Variants in AKAP13 observed in about 807,000 individuals in gnomAD.
AKAP13 encodes A-kinase anchor protein 13.
A neutral mutation model predicts 264.5 loss-of-function variants in AKAP13; 80 were observed. The observed-to-expected ratio is 0.30, with a 90% confidence interval of 0.25 to 0.36. AKAP13 has a LOEUF of 0.36. Ranked by LOEUF, AKAP13 falls within the 10% of genes least tolerant of loss-of-function variation. The pLI is 1.00. For missense variants in AKAP13, 3,712 were observed against 3,435.2 expected (o/e 1.08, Z -2.01); for synonymous variants, 1,380 against 1,250.2 (o/e 1.10, Z -2.19).
intron 5 of AKAP13, among the ~76,000 whole-genome samples, chr15:85,552,428 A>G (rs2077988509): frequency 6.6e-6 from 1 of 152,222 alleles, no homozygotes; most frequent in African/African-American, 2.4e-5. Flanking sequence ...TTGTATAATA[A>G]TCATTTTGAC....
chr15:85,529,787 T>G (rs1266765948), intron 3 of AKAP13, among the ~76,000 whole-genome samples: 3 of 152,202 alleles, frequency 2.0e-5, no homozygotes, highest in Non-Finnish European at 4.4e-5. Context: ...AATGTACTCT[T>G]AAGTTTAATA....
intron 8 of AKAP13, among the ~76,000 whole-genome samples, chr15:85,598,440 G>A (rs1338496750): frequency 1.3e-5 from 2 of 152,222 alleles, no homozygotes; most frequent in Non-Finnish European, 2.9e-5. Flanking sequence ...TTGTCAGCGG[G>A]AGAGGCATGG....
At chr15:85,630,268 A>ACACACACACAC (rs1392263680) in intron 8 of AKAP13, among the ~76,000 whole-genome samples, 8 of 23,870 alleles carry the variant, frequency 3.4e-4, no homozygotes, top group African/African-American at 3.9e-4. Context: ...CACACACACA[A>ACACACACACAC]ACACAATGAA....
chr15:85,693,253 G>A (rs2085390561), intron 16 of AKAP13, 24 bp from the exon 17 acceptor site: 1 of 1,580,526 alleles, frequency 6.3e-7, no homozygotes, highest in Non-Finnish European at 8.6e-7. Context: ...AATTAACTGT[G>A]GATTATTTTC....
intron 22 of AKAP13, 72 bp from the exon 23 acceptor site, chr15:85,719,004 C>G: frequency 6.3e-7 from 1 of 1,578,828 alleles, no homozygotes; most frequent in Non-Finnish European, 8.6e-7. Flanking sequence ...TTTGGGACTG[C>G]AGCAGATGAT....
intron 8 of AKAP13, among the ~76,000 whole-genome samples, chr15:85,598,280 G>A (rs1399123564): frequency 6.6e-6 from 1 of 152,116 alleles, no homozygotes; most frequent in African/African-American, 2.4e-5. Flanking sequence ...GGTCCATTCT[G>A]GAGAGGATGC....
chr15:85,426,946 TTTTGTTTTG>T (rs1260996214), intron 1 of AKAP13, among the ~76,000 whole-genome samples: 80 of 122,464 alleles, frequency 6.5e-4, no homozygotes, highest in Admixed American at 1.1e-3. Context: ...CTTAGTATTG[TTTTGTTTTG>T]TTTTTTTTTT....
In AKAP13 at chr15:85,743,503, A is replaced by G; in HGVS notation, c.8070A>G (p.Pro2690=). ...TERDLCQVSH[P]HTKLMRIPSF... is the part of the protein sequence containing the mutation. ...TTGAATATGTACAGGTTTCCCATCC[A>G]CATACCAAGCTGATGAGGATCCCAT... The change falls in exon 36 of 37, where the codon CCA becomes CCG. Residue 2690 remains proline (P), a synonymous_variant. Transcript: ENST00000394518. 6.2e-7 allele frequency: 1 copy of G among 1,613,722 alleles called. No individual in the cohort carries two copies. The highest frequency in any genetic ancestry group is 8.5e-7 in the Non-Finnish European group (1 of 1,179,680).
chr15:85,666,534 T>G (rs2083611741), intron 13 of AKAP13, among the ~76,000 whole-genome samples: 1 of 152,136 alleles, frequency 6.6e-6, no homozygotes, highest in African/African-American at 2.4e-5. Context: ...TGCCTTCTCT[T>G]TTTAAAATTT....
rs1042068424 is a variant in AKAP13 at position 85,664,771 on chromosome 15, G to C, written c.4992+16G>C. On this transcript the variant is annotated intron_variant, in intron 13 of 36. Transcript: ENST00000394518. ...TGATCAGCAGGTAAGTCTTAAATAT[G>C]TCTAATTTGGAAAAAATATATTTCA... The C allele has an allele frequency of 6.3e-7, 1 of 1,595,714 alleles. No individual in the cohort carries two copies. The highest frequency in any genetic ancestry group is 8.6e-7 in the Non-Finnish European group (1 of 1,169,302).
At chr15:85,458,386 G>GTTTTTTTTT (rs1160050565) in intron 1 of AKAP13, among the ~76,000 whole-genome samples, 12 of 103,916 alleles carry the variant, frequency 1.2e-4, no homozygotes, top group African/African-American at 5.1e-4. Flanking sequence ...TGTATTTTTT[G>GTTTTTTTTT]TTTTTTGTTT....
At chr15:85,422,609 C>G (rs2072574413) in intron 1 of AKAP13, among the ~76,000 whole-genome samples, 1 of 152,190 alleles carries the variant, frequency 6.6e-6, no homozygotes, top group Non-Finnish European at 1.5e-5. Context: ...CCTAACCAAA[C>G]CAAACCAAAT....
chr15:85,701,476 G>A lies in AKAP13; in HGVS notation c.5465-6543G>A, dbSNP rs1018452522. 6.6e-5 allele frequency among the ~76,000 whole-genome samples: 10 copies of A among 152,222 alleles called. No individual in the cohort carries two copies. In the East Asian group the frequency reaches 1.3e-3, roughly 21 times the overall value. ...TTTGTTTGAGACGGCGTCTCACTCT[G>A]TCACCTAGGCTGGAGTACAGTGGCG... is the stretch of plus-strand genomic sequence containing the variant. On this transcript the variant is annotated intron_variant, in intron 17 of 36. Coordinates refer to ENST00000394518, the MANE Select transcript of AKAP13 (RefSeq NM_007200.5).
At chr15:85,665,343 C>G (rs562759006) in intron 13 of AKAP13, among the ~76,000 whole-genome samples, 1 of 152,180 alleles carries the variant, frequency 6.6e-6, no homozygotes, top group Non-Finnish European at 1.5e-5. Context: ...ATCTTTTACC[C>G]TCTCAATAGT....
rs2089447271 is a variant in AKAP13, at chr15:85,748,985, TG to T, written c.*4309del. 6.6e-6 allele frequency: 1 copy of T among 152,374 alleles called. No individual in the cohort carries two copies. Among genetic ancestry groups the T allele is most frequent in the African/African-American group, 2.4e-5 (1 of 41,468 alleles). The allele number at this position is 152,374 out of a possible 1,614,324, so 9.4% of individuals were successfully genotyped here. ...GTCTGCCTGTGGTTCAGGCTTAGCC[TG>T]TGGTCTCCTGTGTGCTGCTGCCCGC... is the stretch of plus-strand genomic sequence containing the variant. On this transcript the variant is annotated 3_prime_UTR_variant, in exon 37 of 37. Transcript: ENST00000394518.
intron 2 of AKAP13, among the ~76,000 whole-genome samples, chr15:85,490,960 C>T (rs888988037): frequency 1.3e-5 from 2 of 152,124 alleles, no homozygotes; most frequent in Admixed American, 1.3e-4. Context: ...AGGCTGAGAC[C>T]TGAAGGAGCC....
intron 2 of AKAP13, among the ~76,000 whole-genome samples, chr15:85,486,251 A>G (rs1433666064): frequency 6.6e-6 from 1 of 152,108 alleles, no homozygotes; most frequent in East Asian, 1.9e-4. Context: ...TTCAAGCACA[A>G]AAATTTTCAG....
In AKAP13 at chr15:85,655,837, A is replaced by C. The variant is rs148428981; in HGVS notation, c.4745+50A>C. The C allele has an allele frequency of 1.4e-4, 221 of 1,545,932 alleles. No homozygotes were observed. The East Asian group carries it at 4.7e-3, about 33-fold the overall frequency. Reference sequence around the variant, plus strand: ...GTGTCTCAGTGTCTGCTTGCTTTTGAGAAGCTTCTGATTTGTATTATTGTT... The same window carrying C: ...GTGTCTCAGTGTCTGCTTGCTTTTGCGAAGCTTCTGATTTGTATTATTGTT... On this transcript the variant is annotated intron_variant, in intron 11 of 36. Coordinates refer to ENST00000394518, the MANE Select transcript of AKAP13 (RefSeq NM_007200.5).
chr15:85,744,084 C>G, intron 36 of AKAP13: 1 of 478,832 alleles, frequency 2.1e-6, no homozygotes, highest in Non-Finnish European at 3.7e-6. Context: ...GGAACTGGAG[C>G]TCACCCCTCA....
Sources: allele counts gnomAD v4.1 joint callset (sites outside exome capture counted in the v4.1 genomes callset), GRCh38; gene constraint gnomAD v4.1.1; transcripts MANE v1.5; gene names NCBI Gene and HGNC (gene_info 2026-07-23, HGNC 2026-07-21).